RAB2A: variants seen among roughly 807,000 people sequenced by gnomAD.
RAB2A encodes ras-related protein Rab-2A.
In RAB2A, 7 loss-of-function variants were observed where a neutral mutation model predicts 32.5. The observed-to-expected ratio is 0.22, with a 90% CI of 0.12 to 0.40. The LOEUF is 0.40. Ranked by LOEUF, RAB2A falls within the 10% of genes least tolerant of loss-of-function variation. The probability of loss-of-function intolerance (pLI) is 1.00; values close to 1 mark genes in which losing one functional copy is unlikely to be tolerated. For missense variants in RAB2A, 108 were observed against 260.7 expected (o/e 0.41, Z 4.03); for synonymous variants, 79 against 85.2 (o/e 0.93, Z 0.40).
intron 5 of RAB2A, among the ~76,000 whole-genome samples, chr8:60,586,254 GC>G (rs1390281095): frequency 6.6e-6 from 1 of 151,874 alleles, no homozygotes; most frequent in African/African-American, 2.4e-5. Flanking sequence ...CTGTGTTCAT[GC>G]CACTGTACTC....
At chr8:60,533,760 C>T (rs972582888) in intron 1 of RAB2A, among the ~76,000 whole-genome samples, 1 of 152,082 alleles carries the variant, frequency 6.6e-6, no homozygotes, top group Non-Finnish European at 1.5e-5. Context: ...AGCTTGAGAT[C>T]AGGAGTTCAA....
rs115030851 is a variant in RAB2A, at chr8:60,612,270, C to T, written c.475-6310C>T. The stretch of plus-strand genomic sequence containing the variant: ...CAGGAAATTCTTAAATGCCATATTC[C>T]CCAAACCTTTCTAATCAAATAGTTC... On this transcript the variant is annotated intron_variant, in intron 6 of 7. Coordinates refer to ENST00000262646, the MANE Select transcript of RAB2A (RefSeq NM_002865.3). Among the ~76,000 whole-genome samples, 1,053 of 152,038 alleles carry T rather than the reference C, an allele frequency of 6.9e-3. 13 individuals carry two copies. Among genetic ancestry groups the T allele is most frequent in the African/African-American group, 0.024 (1,002 of 41,368 alleles).
intron 6 of RAB2A, among the ~76,000 whole-genome samples, chr8:60,616,367 C>T (rs571010936): frequency 3.3e-5 from 5 of 152,260 alleles, no homozygotes; most frequent in African/African-American, 1.2e-4. Context: ...ACTTATGGGG[C>T]CTTGTAGTTC....
intron 3 of RAB2A, among the ~76,000 whole-genome samples, chr8:60,572,740 A>G (rs1203531656): frequency 6.6e-6 from 1 of 152,200 alleles, no homozygotes; most frequent in Non-Finnish European, 1.5e-5. Flanking sequence ...ATTTTGTTTC[A>G]GAACTACTTT....
intron 1 of RAB2A, among the ~76,000 whole-genome samples, chr8:60,537,214 A>G (rs918440266): frequency 6.6e-6 from 1 of 152,120 alleles, no homozygotes; most frequent in African/African-American, 2.4e-5. Context: ...AATCGTATAA[A>G]TATTTTGTTA....
intron 2 of RAB2A, among the ~76,000 whole-genome samples, chr8:60,569,093 G>A (rs569407210): frequency 6.6e-6 from 1 of 152,316 alleles, no homozygotes; most frequent in South Asian, 2.1e-4. Context: ...AGGTAAATGG[G>A]AAAGAGTTAT....
chr8:60,553,881 G>A (rs888546666), intron 1 of RAB2A, among the ~76,000 whole-genome samples: 1 of 152,274 alleles, frequency 6.6e-6, no homozygotes, highest in South Asian at 2.1e-4. Context: ...ACCAAAGAGG[G>A]TATATGAAGC....
chr8:60,605,977 C>T (rs1804224683), intron 6 of RAB2A, among the ~76,000 whole-genome samples: 1 of 151,898 alleles, frequency 6.6e-6, no homozygotes, highest in Non-Finnish European at 1.5e-5. Context: ...GGTGAAACCT[C>T]ATCTGTACTA....
intron 6 of RAB2A, among the ~76,000 whole-genome samples, chr8:60,604,244 T>C (rs1804186908): frequency 6.6e-6 from 1 of 152,202 alleles, no homozygotes; most frequent in South Asian, 2.1e-4. Context: ...GCTGAGCAGA[T>C]ACCACTATCA....
intron 1 of RAB2A, among the ~76,000 whole-genome samples, chr8:60,520,882 G>A (rs1345680934): frequency 2.0e-5 from 3 of 152,180 alleles, no homozygotes; most frequent in East Asian, 3.9e-4. Flanking sequence ...GCACTATCAC[G>A]GCTCACTCAC....
At chr8:60,603,848 C>G (rs1804178480) in intron 6 of RAB2A, among the ~76,000 whole-genome samples, 1 of 152,046 alleles carries the variant, frequency 6.6e-6, no homozygotes, top group South Asian at 2.1e-4. Context: ...TAGCAAGACC[C>G]TGTCTCTATT....
At chr8:60,562,553 G>A (rs528948564) in intron 2 of RAB2A, among the ~76,000 whole-genome samples, 1 of 152,044 alleles carries the variant, frequency 6.6e-6, no homozygotes, top group Non-Finnish European at 1.5e-5. Context: ...TTTTATTTTA[G>A]ATCCTATAAA....
rs558060708 is a variant in RAB2A, at chr8:60,584,929, A to C, written c.362+114A>C. 9.0e-6 allele frequency: 6 copies of C among 666,420 alleles called. No individual in the cohort carries two copies. The African/African-American group carries it at 1.1e-4, about 13-fold the overall frequency. 41.3% of individuals were successfully genotyped at this position (666,420 alleles called of 1,614,324 possible). On this transcript the variant is annotated intron_variant, in intron 5 of 7. Transcript: ENST00000262646. Reference sequence around the variant, plus strand: ...TGAGTTACCAGCCTCTTAAATTATAAAATTTCGGAAATTCTAAGGTGTTTC... The same window carrying C: ...TGAGTTACCAGCCTCTTAAATTATACAATTTCGGAAATTCTAAGGTGTTTC...
chr8:60,530,223 AC>A (rs1807455699), intron 1 of RAB2A, among the ~76,000 whole-genome samples: 1 of 144,978 alleles, frequency 6.9e-6, no homozygotes, highest in South Asian at 2.1e-4. Flanking sequence ...GTCTTGGCTC[AC>A]TGCAACCTCT....
chr8:60,532,552 C>A (rs1220950104), intron 1 of RAB2A, among the ~76,000 whole-genome samples: 3 of 151,986 alleles, frequency 2.0e-5, no homozygotes, highest in Non-Finnish European at 4.4e-5. Context: ...GCTCTGTTCC[C>A]CAGGGTGGAG....
At chr8:60,598,434 T>C (rs1352498760) in intron 6 of RAB2A, among the ~76,000 whole-genome samples, 1 of 151,658 alleles carries the variant, frequency 6.6e-6, no homozygotes, top group Non-Finnish European at 1.5e-5. Flanking sequence ...CCAAAGACAA[T>C]ACAAAAAAAG....
intron 6 of RAB2A, among the ~76,000 whole-genome samples, chr8:60,595,405 C>T (rs968794164): frequency 6.6e-6 from 1 of 152,072 alleles, no homozygotes; most frequent in Non-Finnish European, 1.5e-5. Context: ...CCTCATATAT[C>T]AATAACTAAA....
At chr8:60,525,867 G>T (rs1331681811) in intron 1 of RAB2A, among the ~76,000 whole-genome samples, 2 of 150,230 alleles carry the variant, frequency 1.3e-5, no homozygotes, top group Non-Finnish European at 3.0e-5. Context: ...TTCAAAACAG[G>T]ATTTAAGGGC....
chr8:60,539,311 C>G (rs983383246), intron 1 of RAB2A, among the ~76,000 whole-genome samples: 1 of 152,188 alleles, frequency 6.6e-6, no homozygotes, highest in African/African-American at 2.4e-5. Flanking sequence ...ATAAAGTGAG[C>G]TTGTCTTCAG....
Sources: gnomAD v4.1 joint callset for allele counts (sites outside exome capture counted in the v4.1 genomes callset) on GRCh38, gnomAD v4.1.1 for gene constraint, MANE v1.5 for transcripts, NCBI Gene and HGNC (gene_info 2026-07-23, HGNC 2026-07-21) for gene names.